TTR: variants seen among roughly 807,000 people sequenced by gnomAD.
The protein encoded by TTR is transthyretin.
Under a neutral mutation model 13.7 loss-of-function variants are expected in TTR, and 8 were observed. The observed-to-expected ratio is 0.58, with a 90% CI of 0.34 to 1.05. The LOEUF (loss-of-function observed/expected upper bound fraction) is 1.05. Among genes scored for constraint, TTR ranks in the 50% least tolerant of loss-of-function variants. The probability of loss-of-function intolerance (pLI) is 0.02; values close to 1 mark genes in which losing one functional copy is unlikely to be tolerated. For missense variants in TTR, 135 were observed against 185.5 expected, an observed-to-expected ratio of 0.73 and a Z score of 1.58; for synonymous variants, 75 against 71.7, an observed-to-expected ratio of 1.05 and a Z score of -0.23.
intron 2 of TTR, among the ~76,000 whole-genome samples, chr18:31,594,665 A>T (rs1170404559): frequency 1.3e-5 from 2 of 152,112 alleles, no homozygotes; most frequent in Admixed American, 1.3e-4. Flanking sequence ...GGAGTTCAAG[A>T]CCAGCCTGGC....
intron 2 of TTR, among the ~76,000 whole-genome samples, chr18:31,594,727 GGT>G (rs2073507141): frequency 6.6e-6 from 1 of 152,162 alleles, no homozygotes; most frequent in South Asian, 2.1e-4. Flanking sequence ...AGCCAGGCAT[GGT>G]GGCAGGCGCC....
At chr18:31,592,847 T>C (rs1245127191) in intron 1 of TTR, 49 bp from the exon 2 acceptor site, 1 of 1,610,534 alleles carries the variant, frequency 6.2e-7, no homozygotes, top group Non-Finnish European at 8.5e-7. Context: ...ATAAATCCTT[T>C]CACTCTGATC....
At chr18:31,595,614 C>A in intron 3 of TTR, 2 of 376,124 alleles carry the variant, frequency 5.3e-6, no homozygotes, top group South Asian at 4.2e-5. Flanking sequence ...CATTTTATTT[C>A]TCGAAAACCC....
At chr18:31,592,414 AT>A (rs1231255948) in intron 1 of TTR, among the ~76,000 whole-genome samples, 1 of 152,248 alleles carries the variant, frequency 6.6e-6, no homozygotes, top group African/African-American at 2.4e-5. Context: ...TTCTAGTCAG[AT>A]ATCTAATTCT....
chr18:31,595,070 C>A, intron 2 of TTR, 50 bp from the exon 3 acceptor site: 1 of 1,609,256 alleles, frequency 6.2e-7, no homozygotes, highest in Non-Finnish European at 8.5e-7. Context: ...CTTTGCCATG[C>A]CATTTGTTTC....
In TTR at chr18:31,592,974, G is replaced by A. The variant is rs28933979; in HGVS notation, c.148G>A (p.Val50Met). 5.7e-5 allele frequency: 92 copies of A among 1,614,098 alleles called. No individual in the cohort carries two copies. Among genetic ancestry groups the A allele is most frequent in the Middle Eastern group, 1.6e-4 (1 of 6,062 alleles). Reference protein sequence around the residue: ...VRGSPAINVAVHVFRKAADDT... With the variant: ...VRGSPAINVAMHVFRKAADDT... Reference sequence around the variant, plus strand: ...AGGCAGTCCTGCCATCAATGTGGCCGTGCATGTGTTCAGAAAGGCTGCTGA... The same window carrying A: ...AGGCAGTCCTGCCATCAATGTGGCCATGCATGTGTTCAGAAAGGCTGCTGA... The change falls in exon 2 of 4, where the codon GTG becomes ATG. Residue 50 changes from valine to methionine, a missense_variant. Val to Met is a conservative substitution (Grantham distance 21). Transcript: ENST00000237014.
At chr18:31,598,301 C>T (rs1006362143) in intron 3 of TTR, among the ~76,000 whole-genome samples, 3 of 152,106 alleles carry the variant, frequency 2.0e-5, no homozygotes, top group African/African-American at 7.2e-5. Flanking sequence ...TGGGATTTCC[C>T]TTAGTCAAGC....
rs575831317 is a variant in TTR at position 31,596,842 on chromosome 18, A to G, written c.336+1587A>G. 2.6e-5 allele frequency among the ~76,000 whole-genome samples: 4 copies of G among 152,298 alleles called. No homozygotes were observed. In the East Asian group the frequency reaches 7.7e-4, roughly 29 times the overall value. ...CCCAGATAAATACGGAGAACAAGAG[A>G]GAGCGAGTAGTGAGAGATGAGTCCC... On this transcript the variant is annotated intron_variant, in intron 3 of 3. Transcript: ENST00000237014.
In TTR at chr18:31,592,972, C is replaced by T; in HGVS notation, c.146C>T (p.Ala49Val). 6.2e-7 allele frequency: 1 copy of T among 1,614,076 alleles called. No homozygotes were observed. Residue 49 changes from alanine (A) to valine (V), a missense_variant, in exon 2 of 4, where the codon GCC becomes GTC. Transcript: ENST00000237014. ...CGAGGCAGTCCTGCCATCAATGTGGCCGTGCATGTGTTCAGAAAGGCTGCT... is the reference window on the plus strand; with the variant it reads ...CGAGGCAGTCCTGCCATCAATGTGGTCGTGCATGTGTTCAGAAAGGCTGCT... ...AVRGSPAINV[A>V]VHVFRKAADD...
chr18:31,595,874 G>A, intron 3 of TTR: 1 of 173,450 alleles, frequency 5.8e-6, no homozygotes, highest in South Asian at 1.3e-4. Flanking sequence ...AAGAAAATGA[G>A]GCACCAGGAA....
At position 31,592,973 on chromosome 18, in the gene TTR, C is replaced by T. The variant is rs11081703; in HGVS notation, c.147C>T (p.Ala49=). Reference sequence around the variant, plus strand: ...GAGGCAGTCCTGCCATCAATGTGGCCGTGCATGTGTTCAGAAAGGCTGCTG... The same window carrying T: ...GAGGCAGTCCTGCCATCAATGTGGCTGTGCATGTGTTCAGAAAGGCTGCTG... The part of the protein sequence containing the change: ...AVRGSPAINV[A]VHVFRKAADD... The change falls in exon 2 of 4, where the codon GCC becomes GCT. Residue 49 remains alanine, a synonymous_variant. Transcript: ENST00000237014. 6.2e-6 allele frequency: 10 copies of T among 1,613,952 alleles called. No individual in the cohort carries two copies. The highest frequency in any genetic ancestry group is 1.6e-4 in the Middle Eastern group (1 of 6,084).
intron 3 of TTR, chr18:31,595,590 A>G: frequency 2.5e-6 from 1 of 400,320 alleles, no homozygotes; most frequent in Non-Finnish European, 4.8e-6. Flanking sequence ...GAGTGTATGT[A>G]ACAAGAGATG....
chr18:31,594,541 CTT>C (rs1314813503), intron 2 of TTR, among the ~76,000 whole-genome samples: 1 of 152,156 alleles, frequency 6.6e-6, no homozygotes, highest in African/African-American at 2.4e-5. Flanking sequence ...AATCATCAAT[CTT>C]GAATCACAGG....
chr18:31,597,515 T>C (rs1288155405), intron 3 of TTR, among the ~76,000 whole-genome samples: 4 of 152,200 alleles, frequency 2.6e-5, no homozygotes, highest in Non-Finnish European at 5.9e-5. Flanking sequence ...GATTCTCACT[T>C]CCTCTTGCCC....
At chr18:31,593,162 C>A in intron 2 of TTR, 136 bp downstream of exon 2, 1 of 1,300,064 alleles carries the variant, frequency 7.7e-7, no homozygotes, top group Non-Finnish European at 1.1e-6. Context: ...GTCAAGTATG[C>A]CCTCTGAAGG....
Position 31,598,550 on chromosome 18 carries a change from G to C in TTR, c.337-18G>C, listed in dbSNP as rs36204272. The C allele has an allele frequency of 0.045, 72,630 of 1,612,924 alleles. 2,162 individuals carry two copies. Among genetic ancestry groups the C allele is most frequent in the Admixed American group, 0.14 (8,259 of 59,926 alleles). ...TTCGGGCTCTGGTGGAAATGGATCT[G>C]TCTGTCTTCTCTCATAGGTGGTATT... On this transcript the variant is annotated intron_variant, in intron 3 of 3. Coordinates refer to ENST00000237014, the MANE Select transcript of TTR (RefSeq NM_000371.4).
chr18:31,597,594 G>T (rs1472583666), intron 3 of TTR, among the ~76,000 whole-genome samples: 1 of 152,104 alleles, frequency 6.6e-6, no homozygotes, highest in African/African-American at 2.4e-5. Context: ...AGTAATCCGG[G>T]TTTCTTTTTC....
intron 3 of TTR, chr18:31,596,999 TGGAAACTTTTATTA>T (rs1304394711): frequency 6.6e-6 from 1 of 152,074 alleles, no homozygotes; most frequent in Admixed American, 6.6e-5. Flanking sequence ...CAAGGGAAAA[TGGAAACTTTTATTA>T]GGAGCTCTTA....
chr18:31,595,044 T>A lies in TTR; in HGVS notation c.201-76T>A, dbSNP rs59882235. The A allele has an allele frequency of 9.1e-3, 13,600 of 1,488,340 alleles. 703 individuals are homozygous for A. The African/African-American group carries it at 0.13, about 14-fold the overall frequency. The allele number at this position is 1,488,340 out of a possible 1,614,324, so 92.2% of individuals were successfully genotyped here. ...TTATAACATGTTTATGTGTGTTAGTTGGTGGGGGTGTATTACTTTGCCATG... is the reference window on the plus strand; with the variant it reads ...TTATAACATGTTTATGTGTGTTAGTAGGTGGGGGTGTATTACTTTGCCATG... On this transcript the variant is annotated intron_variant, in intron 2 of 3. Transcript: ENST00000237014.
Sources: allele counts gnomAD v4.1 joint callset (sites outside exome capture counted in the v4.1 genomes callset), GRCh38; gene constraint gnomAD v4.1.1; transcripts MANE v1.5; gene names NCBI Gene and HGNC (gene_info 2026-07-23, HGNC 2026-07-21).